STK32B: variants seen among roughly 807,000 people sequenced by gnomAD.
STK32B encodes serine/threonine kinase 32B.
In STK32B, 43 loss-of-function variants were observed where a neutral mutation model predicts 52.6. The observed-to-expected ratio is 0.82, with a 90% confidence interval of 0.64 to 1.05. The LOEUF is 1.05. STK32B is among the 50% of genes least tolerant of loss of function. The probability of loss-of-function intolerance (pLI) is 0.00; values close to 1 mark genes in which losing one functional copy is unlikely to be tolerated. For synonymous variants in STK32B, 238 were observed against 204.3 expected (o/e 1.17, Z -1.41); for missense variants, 621 against 534.6 (o/e 1.16, Z -1.59).
At chr4:5,111,906 A>G (rs1439475170) in intron 1 of STK32B, among the ~76,000 whole-genome samples, 1 of 152,158 alleles carries the variant, frequency 6.6e-6, no homozygotes, top group East Asian at 1.9e-4. Flanking sequence ...GAAGTGAGAC[A>G]GGGAAGGGAA....
At chr4:5,232,189 A>G (rs965098246) in intron 3 of STK32B, among the ~76,000 whole-genome samples, 17 of 152,190 alleles carry the variant, frequency 1.1e-4, no homozygotes, top group African/African-American at 3.9e-4. Flanking sequence ...ATTTTCTGTA[A>G]TAGAATGCAC....
chr4:5,025,082 C>A, the STK32B span, among the ~76,000 whole-genome samples: 1 of 152,160 alleles, frequency 6.6e-6, no homozygotes, highest in Non-Finnish European at 1.5e-5. Context: ...CCTCCCCAGG[C>A]GCCTCTGCAG....
At chr4:5,150,140 T>A (rs978186347) in intron 2 of STK32B, among the ~76,000 whole-genome samples, 3 of 152,078 alleles carry the variant, frequency 2.0e-5, no homozygotes, top group Non-Finnish European at 4.4e-5. Context: ...GTCTCCCTCC[T>A]TTCAAAAAGT....
chr4:5,049,746 C>T (rs1045259064), upstream of STK32B, among the ~76,000 whole-genome samples: 1 of 143,070 alleles, frequency 7.0e-6, no homozygotes, highest in African/African-American at 2.6e-5. Context: ...GCAATCACAC[C>T]CAGCTAAGTT....
chr4:5,109,736 A>G (rs1714293565), intron 1 of STK32B, among the ~76,000 whole-genome samples: 1 of 152,356 alleles, frequency 6.6e-6, no homozygotes, highest in Middle Eastern at 3.4e-3. Context: ...AAGTTCCACT[A>G]TTCAACATAG....
At chr4:5,443,549 A>C (rs1715006663) in intron 6 of STK32B, among the ~76,000 whole-genome samples, 1 of 152,088 alleles carries the variant, frequency 6.6e-6, no homozygotes, top group Admixed American at 6.5e-5. Flanking sequence ...TTTGGTTTGA[A>C]TGTCCTCCCA....
chr4:5,323,964 A>C (rs79185631), intron 3 of STK32B, among the ~76,000 whole-genome samples: 10,353 of 152,274 alleles, frequency 0.068, 379 homozygotes, highest in South Asian at 0.086. Flanking sequence ...CATGTTACTT[A>C]ATCTCTCTGA....
intron 6 of STK32B, chr4:5,436,774 T>A: frequency 1.4e-6 from 1 of 691,800 alleles, no homozygotes; most frequent in Non-Finnish European, 1.8e-6. Context: ...AGACTTGACC[T>A]CAGGGGTACT....
At chr4:5,280,466 G>A (rs1263012724) in intron 3 of STK32B, among the ~76,000 whole-genome samples, 1 of 152,030 alleles carries the variant, frequency 6.6e-6, no homozygotes, top group African/African-American at 2.4e-5. Flanking sequence ...GTCTTCTTCT[G>A]ATCCCTCCAA....
At chr4:5,353,628 A>G (rs946227764) in intron 4 of STK32B, among the ~76,000 whole-genome samples, 1 of 152,228 alleles carries the variant, frequency 6.6e-6, no homozygotes, top group African/African-American at 2.4e-5. Flanking sequence ...ACCAACAGGT[A>G]TATGAAAAAC....
At position 5,163,704 on chromosome 4, in the gene STK32B, C is replaced by G. The variant is rs138599707; in HGVS notation, c.109-4595C>G. Among the ~76,000 whole-genome samples, 792 of 152,250 alleles carry G rather than the reference C, an allele frequency of 5.2e-3. 3 individuals carry two copies. The highest frequency in any genetic ancestry group is 0.018 in the African/African-American group (750 of 41,544). ...TTAAGTCTTTGATTTTTCAGACATT[C>G]TCACCAGGCAAAAGGATATCTGCAG... On this transcript the variant is annotated intron_variant, in intron 2 of 11. Coordinates refer to ENST00000282908, the MANE Select transcript of STK32B (RefSeq NM_018401.3).
chr4:5,231,487 C>T (rs1296987205), intron 3 of STK32B, among the ~76,000 whole-genome samples: 1 of 152,088 alleles, frequency 6.6e-6, no homozygotes, highest in Non-Finnish European at 1.5e-5. Context: ...TGGTGCACAC[C>T]TGTAATCCCA....
At chr4:5,054,498 T>G (rs1741921675) in intron 1 of STK32B, among the ~76,000 whole-genome samples, 1 of 127,842 alleles carries the variant, frequency 7.8e-6, no homozygotes, top group African/African-American at 3.0e-5. Flanking sequence ...TGGTAAAGAG[T>G]AAGCCTGGCT....
At chr4:5,219,884 TG>T (rs1723414494) in intron 3 of STK32B, among the ~76,000 whole-genome samples, 1 of 152,154 alleles carries the variant, frequency 6.6e-6, no homozygotes, top group Admixed American at 6.6e-5. Context: ...GGTGCAGGAC[TG>T]GTAGGGAGCG....
intron 11 of STK32B, among the ~76,000 whole-genome samples, chr4:5,489,242 T>A (rs1264370487): frequency 6.6e-6 from 1 of 152,192 alleles, no homozygotes; most frequent in Non-Finnish European, 1.5e-5. Context: ...TTACCTAAAT[T>A]ACCTATGAGA....
At chr4:5,179,010 A>G (rs981998936) in intron 3 of STK32B, among the ~76,000 whole-genome samples, 6 of 152,182 alleles carry the variant, frequency 3.9e-5, no homozygotes, top group African/African-American at 9.7e-5. Context: ...TACTGTATTC[A>G]TCAGTTCTCA....
At chr4:5,060,877 C>T (rs1282942638) in intron 1 of STK32B, among the ~76,000 whole-genome samples, 4 of 152,108 alleles carry the variant, frequency 2.6e-5, no homozygotes, top group Non-Finnish European at 5.9e-5. Context: ...AAGACAGCTG[C>T]CAGTTCTATT....
the STK32B span, among the ~76,000 whole-genome samples, chr4:5,028,435 T>G: frequency 6.6e-6 from 1 of 152,248 alleles, no homozygotes; most frequent in African/African-American, 2.4e-5. Context: ...CCCTTGAAGT[T>G]ACATACAGCA....
At chr4:5,032,845 T>C in the STK32B span, among the ~76,000 whole-genome samples, 1 of 152,124 alleles carries the variant, frequency 6.6e-6, no homozygotes, top group Non-Finnish European at 1.5e-5. Context: ...TTCTGTCCTT[T>C]AGAGGCCCAG....
Sources: allele counts gnomAD v4.1 joint callset (sites outside exome capture counted in the v4.1 genomes callset), GRCh38; gene constraint gnomAD v4.1.1; transcripts MANE v1.5; gene names NCBI Gene and HGNC (gene_info 2026-07-23, HGNC 2026-07-21).